Variants in GALNTL6 observed in about 807,000 individuals in gnomAD.
GALNTL6 encodes polypeptide N-acetylgalactosaminyltransferase like 6, also known as polypeptide N-acetylgalactosaminyltransferase-like 6.
In GALNTL6, 46 loss-of-function variants were observed where a neutral mutation model predicts 73.7. That is an observed-to-expected ratio of 0.62 (90% CI 0.49 to 0.80). GALNTL6 has a LOEUF of 0.80. Ranked by LOEUF, GALNTL6 falls within the 30% of genes least tolerant of loss-of-function variation. The pLI is 0.00. For synonymous variants in GALNTL6, 259 were observed against 263.7 expected (o/e 0.98, Z 0.17); for missense variants, 604 against 755.0 (o/e 0.80, Z 2.34).
intron 5 of GALNTL6, among the ~76,000 whole-genome samples, chr4:172,628,987 C>T (rs1385435167): frequency 2.0e-5 from 3 of 152,040 alleles, no homozygotes; most frequent in Non-Finnish European, 4.4e-5. Flanking sequence ...TCGTATATGC[C>T]ACAAAGATTC....
At chr4:172,571,898 T>C (rs189776653) in intron 5 of GALNTL6, among the ~76,000 whole-genome samples, 94 of 152,310 alleles carry the variant, frequency 6.2e-4, no homozygotes, top group African/African-American at 2.1e-3. Context: ...CTCCTGGTTT[T>C]CTCATTGTGT....
At chr4:172,599,686 G>A (rs183216237) in intron 5 of GALNTL6, among the ~76,000 whole-genome samples, 9 of 151,912 alleles carry the variant, frequency 5.9e-5, no homozygotes, top group East Asian at 1.9e-4. Flanking sequence ...TAACTCTGCC[G>A]GTCTCAGAAG....
At chr4:172,000,656 T>C (rs1409352748) in intron 2 of GALNTL6, among the ~76,000 whole-genome samples, 2 of 152,140 alleles carry the variant, frequency 1.3e-5, no homozygotes, top group Non-Finnish European at 2.9e-5. Flanking sequence ...TCTGCTATTG[T>C]AAGTTAGGCT....
chr4:172,584,622 T>G (rs754276855), intron 5 of GALNTL6, among the ~76,000 whole-genome samples: 2 of 152,204 alleles, frequency 1.3e-5, no homozygotes, highest in African/African-American at 2.4e-5. Flanking sequence ...TTTCAGGTTT[T>G]AAATAGTAGG....
chr4:172,310,958 G>A (rs963737639), intron 3 of GALNTL6, among the ~76,000 whole-genome samples: 1 of 151,830 alleles, frequency 6.6e-6, no homozygotes, highest in African/African-American at 2.4e-5. Context: ...TCACAATGAA[G>A]GAAATACAAA....
intron 2 of GALNTL6, among the ~76,000 whole-genome samples, chr4:171,945,419 A>G (rs562953822): frequency 2.5e-4 from 38 of 152,272 alleles, no homozygotes; most frequent in Admixed American, 4.6e-4. Flanking sequence ...TGAAACCAAA[A>G]GGATAAGCAG....
intron 5 of GALNTL6, among the ~76,000 whole-genome samples, chr4:172,732,705 G>C (rs1322818244): frequency 6.6e-6 from 1 of 151,800 alleles, no homozygotes; most frequent in Non-Finnish European, 1.5e-5. Flanking sequence ...ATAACTTTTT[G>C]TGCTGTGGTT....
intron 3 of GALNTL6, among the ~76,000 whole-genome samples, chr4:172,255,269 T>A (rs1045091541): frequency 6.6e-6 from 1 of 151,530 alleles, no homozygotes; most frequent in African/African-American, 2.4e-5. Flanking sequence ...GTTACCGCAA[T>A]GTGGTTTGTA....
In GALNTL6 at chr4:172,527,844, C is replaced by A. The variant is rs577331049; in HGVS notation, c.553+179155C>A. Among the ~76,000 whole-genome samples, 4 of 152,174 alleles carry A rather than the reference C, an allele frequency of 2.6e-5. No individual in the cohort carries two copies. The East Asian group carries it at 7.7e-4, about 29-fold the overall frequency. On this transcript the variant is annotated intron_variant, in intron 5 of 12. Coordinates refer to ENST00000506823, the MANE Select transcript of GALNTL6 (RefSeq NM_001034845.3). ...TTATATATTTTTGTTATGTTCCACA[C>A]ATTATATGTGTGAACCCATTATGTG... is the stretch of plus-strand genomic sequence containing the variant.
intron 2 of GALNTL6, among the ~76,000 whole-genome samples, chr4:172,062,174 T>C (rs139761825): frequency 0.046 from 7,046 of 152,078 alleles, 232 homozygotes; most frequent in Non-Finnish European, 0.068. Flanking sequence ...CAGGCTTGTC[T>C]TGAATTCCTG....
intron 5 of GALNTL6, among the ~76,000 whole-genome samples, chr4:172,558,462 A>C (rs1736225677): frequency 6.6e-6 from 1 of 152,166 alleles, no homozygotes; most frequent in Non-Finnish European, 1.5e-5. Flanking sequence ...TGGTGTCCTT[A>C]CAAGAAGAGG....
intron 5 of GALNTL6, among the ~76,000 whole-genome samples, chr4:172,644,538 A>G (rs144617731): frequency 6.0e-4 from 91 of 151,996 alleles, no homozygotes; most frequent in Non-Finnish European, 1.1e-3. Context: ...TCGCCAATAC[A>G]TGGAGAGTCA....
chr4:172,177,745 GTA>G (rs765550820), intron 2 of GALNTL6, among the ~76,000 whole-genome samples: 26 of 63,508 alleles, frequency 4.1e-4, no homozygotes, highest in Admixed American at 7.3e-4. Context: ...ATACACATGT[GTA>G]TATATATGTG....
intron 5 of GALNTL6, among the ~76,000 whole-genome samples, chr4:172,605,964 G>C (rs1323427490): frequency 6.6e-6 from 1 of 151,954 alleles, no homozygotes; most frequent in Non-Finnish European, 1.5e-5. Context: ...CCTTGCATAA[G>C]GTGTGAATTC....
At chr4:172,536,083 C>G (rs1169819732) in intron 5 of GALNTL6, among the ~76,000 whole-genome samples, 2 of 152,170 alleles carry the variant, frequency 1.3e-5, no homozygotes, top group East Asian at 3.9e-4. Context: ...CCGCTTCGCT[C>G]TGCACTTCTC....
intron 5 of GALNTL6, among the ~76,000 whole-genome samples, chr4:172,762,343 C>A (rs1301933945): frequency 6.6e-6 from 1 of 151,852 alleles, no homozygotes; most frequent in Non-Finnish European, 1.5e-5. Context: ...ATGAAACTGG[C>A]TGTATGCCAT....
chr4:172,968,861 C>T (rs1277661657), intron 10 of GALNTL6, among the ~76,000 whole-genome samples: 4 of 152,140 alleles, frequency 2.6e-5, no homozygotes, highest in African/African-American at 9.7e-5. Context: ...AGAAAATTAT[C>T]TCATTTATAT....
chr4:172,782,930 G>A lies in GALNTL6; in HGVS notation c.554-26431G>A, dbSNP rs527395805. Among the ~76,000 whole-genome samples, 10 of 152,120 alleles carry A rather than the reference G, an allele frequency of 6.6e-5. No homozygotes were observed. The East Asian group carries it at 1.9e-3, about 29-fold the overall frequency. On this transcript the variant is annotated intron_variant, in intron 5 of 12. Coordinates refer to ENST00000506823, the MANE Select transcript of GALNTL6 (RefSeq NM_001034845.3). Reference sequence around the variant, plus strand: ...CTTTTCGAAGAGCTTGTTATGCATGGTCTAGAAAAAATGTCACATGTATTT... The same window carrying A: ...CTTTTCGAAGAGCTTGTTATGCATGATCTAGAAAAAATGTCACATGTATTT...
chr4:172,701,905 C>T lies in GALNTL6; in HGVS notation c.554-107456C>T, dbSNP rs115801995. Among the ~76,000 whole-genome samples the T allele has an allele frequency of 1.9e-3, 283 of 151,726 alleles. 1 individual carries two copies. The highest frequency in any genetic ancestry group is 3.5e-3 in the Non-Finnish European group (235 of 67,874). ...TGAAAACAGTGTTTTAAGAATTAACCGTTATGATTAATATAAGCCTGAAAT... is the reference window on the plus strand; with the variant it reads ...TGAAAACAGTGTTTTAAGAATTAACTGTTATGATTAATATAAGCCTGAAAT... On this transcript the variant is annotated intron_variant, in intron 5 of 12. Transcript: ENST00000506823.
Sources: allele counts gnomAD v4.1 joint callset (sites outside exome capture counted in the v4.1 genomes callset), GRCh38; gene constraint gnomAD v4.1.1; transcripts MANE v1.5; gene names NCBI Gene and HGNC (gene_info 2026-07-23, HGNC 2026-07-21).